Variants in GALC observed in about 807,000 individuals in gnomAD.
GALC encodes galactosylceramidase.
A neutral mutation model predicts 91.8 loss-of-function variants in GALC; 77 were observed. The observed-to-expected ratio is 0.84, with a 90% CI of 0.70 to 1.01. GALC has a LOEUF of 1.01. GALC is among the 50% of genes least tolerant of loss of function. The probability of loss-of-function intolerance (pLI) is 0.00; values close to 1 mark genes in which losing one functional copy is unlikely to be tolerated. For missense variants in GALC, 882 were observed against 855.9 expected (o/e 1.03, Z -0.38); for synonymous variants, 357 against 306.7 (o/e 1.16, Z -1.71).
At chr14:87,937,222 T>C (rs1884612382) in intron 16 of GALC, among the ~76,000 whole-genome samples, 1 of 151,918 alleles carries the variant, frequency 6.6e-6, no homozygotes, top group Non-Finnish European at 1.5e-5. Context: ...AAATACTGTT[T>C]AATGCACTGG....
chr14:87,982,805 A>G (rs1384683820), intron 5 of GALC, among the ~76,000 whole-genome samples: 2 of 152,194 alleles, frequency 1.3e-5, no homozygotes, highest in Admixed American at 6.5e-5. Context: ...AAGAACTTCC[A>G]TAACTCCACA....
intron 12 of GALC, among the ~76,000 whole-genome samples, chr14:87,948,944 A>G (rs966073584): frequency 6.6e-6 from 1 of 152,024 alleles, no homozygotes; most frequent in Non-Finnish European, 1.5e-5. Context: ...GTTCTTTGAA[A>G]CCTTTCCCCA....
intron 7 of GALC, among the ~76,000 whole-genome samples, chr14:87,972,993 G>A (rs61057898): frequency 0.024 from 3,639 of 148,756 alleles, 151 homozygotes; most frequent in African/African-American, 0.085. Flanking sequence ...CTTTAAAGAT[G>A]AATAAAAATA....
chr14:87,955,508 T>C (rs1340186473), intron 10 of GALC, among the ~76,000 whole-genome samples: 3 of 152,072 alleles, frequency 2.0e-5, no homozygotes, highest in East Asian at 1.9e-4. Context: ...GTTCCAGGCA[T>C]TGTACTAAGT....
At chr14:87,957,546 C>T (rs2139979511) in intron 10 of GALC, among the ~76,000 whole-genome samples, 1 of 152,178 alleles carries the variant, frequency 6.6e-6, no homozygotes, top group African/African-American at 2.4e-5. Context: ...TTTTTGAATG[C>T]TTTGTCAAAG....
intron 10 of GALC, 73 bp downstream of exon 10, chr14:87,963,311 G>T: frequency 6.9e-7 from 1 of 1,450,190 alleles, no homozygotes. Context: ...TAAAACAAAA[G>T]TATTCAGTTT....
intron 14 of GALC, among the ~76,000 whole-genome samples, chr14:87,944,777 T>G (rs917072402): frequency 6.6e-5 from 10 of 152,140 alleles, no homozygotes; most frequent in African/African-American, 2.4e-4. Flanking sequence ...TTCAAGGCTC[T>G]TTTCAGAATT....
intron 10 of GALC, chr14:87,954,956 A>G (rs1885462229): frequency 2.7e-6 from 4 of 1,483,580 alleles, no homozygotes; most frequent in Non-Finnish European, 3.8e-6. Context: ...AAGCTGATAG[A>G]GAAGATTCTT....
intron 10 of GALC, among the ~76,000 whole-genome samples, chr14:87,957,535 AT>A (rs1188145245): frequency 3.3e-5 from 5 of 152,072 alleles, no homozygotes; most frequent in African/African-American, 9.7e-5. Context: ...CCAAATTTAT[AT>A]TTTTGAATGC....
chr14:87,941,415 T>G lies in GALC; in HGVS notation c.1814A>C (p.Tyr605Ser), dbSNP rs1337335506. ...IFFWIFANGS[Y>S]RVTGDLAGWI... ...GTTACCTAAATCACCTGTAACCCTG[T>G]AAGATCCATTTGCAAAAATCCAGAA... The change falls in exon 15 of 17, where the codon TAC (tyrosine) becomes TCC (serine). Residue 605 changes from tyrosine (Y) to serine (S), a missense_variant. Physicochemically the swap from Tyr to Ser is moderately radical, Grantham distance 144. Transcript: ENST00000261304. The G allele has an allele frequency of 1.2e-6, 2 of 1,606,664 alleles. No homozygotes were observed. Among genetic ancestry groups the G allele is most frequent in the South Asian group, 1.1e-5 (1 of 90,820 alleles).
chr14:87,966,955 C>T (rs1311398431), intron 8 of GALC, among the ~76,000 whole-genome samples: 1 of 152,110 alleles, frequency 6.6e-6, no homozygotes, highest in African/African-American at 2.4e-5. Context: ...ATCAGAATCA[C>T]TTGAGGGCAC....
chr14:87,975,530 C>G (rs74617600), intron 7 of GALC, among the ~76,000 whole-genome samples: 17,195 of 152,020 alleles, frequency 0.11, 1,144 homozygotes, highest in Non-Finnish European at 0.16. Flanking sequence ...TCTGGGATTT[C>G]TTTCAAAGTA....
At chr14:87,964,753 G>C (rs540144843) in intron 9 of GALC, among the ~76,000 whole-genome samples, 33 of 152,174 alleles carry the variant, frequency 2.2e-4, no homozygotes, top group Admixed American at 1.6e-3. Context: ...CCTGTTGTGG[G>C]AAACCCAATT....
chr14:87,953,055 C>T, intron 10 of GALC: 1 of 1,390,984 alleles, frequency 7.2e-7, no homozygotes, highest in Non-Finnish European at 1.0e-6. Flanking sequence ...TAATATAGGG[C>T]CTGAAGTGGT....
At chr14:87,986,332 G>A (rs1273481577) in intron 4 of GALC, among the ~76,000 whole-genome samples, 157 bp downstream of exon 4, 11 of 152,128 alleles carry the variant, frequency 7.2e-5, no homozygotes, top group African/African-American at 2.7e-4. Flanking sequence ...GCAAAGAAAG[G>A]ATCACCCCTG....
At chr14:87,960,312 G>A (rs373094520) in intron 10 of GALC, among the ~76,000 whole-genome samples, 7 of 152,284 alleles carry the variant, frequency 4.6e-5, no homozygotes, top group Admixed American at 2.0e-4. Context: ...AGTAACTATT[G>A]GACAGGAGGT....
chr14:87,947,837 T>C lies in GALC; in HGVS notation c.1380A>G (p.Glu460=), dbSNP rs1370652050. 1.2e-6 allele frequency: 2 copies of C among 1,612,600 alleles called. No homozygotes were observed. The highest frequency in any genetic ancestry group is 2.7e-5 in the African/African-American group (2 of 74,798). ...GAGTGGTGAGTGTGAACAGCTCATC[T>C]TCATGCAGGCTCAGTGTGAAACTGC... The part of the protein sequence containing the change: ...SDGSFTLSLH[E]DELFTLTTLT... Residue 460 remains glutamate (E), a synonymous_variant, in exon 13 of 17, where the codon GAA becomes GAG. Coordinates refer to ENST00000261304, the MANE Select transcript of GALC (RefSeq NM_000153.4).
chr14:87,993,601 C>T (rs2139771335), upstream of GALC: 9 of 829,528 alleles, frequency 1.1e-5, no homozygotes, highest in South Asian at 9.5e-5. Flanking sequence ...CCTGAGTTTT[C>T]CCTTATGTGA....
At chr14:87,945,764 G>A (rs753449167) in intron 13 of GALC, 31 bp from the exon 14 acceptor site, 1 of 1,531,392 alleles carries the variant, frequency 6.5e-7, no homozygotes, top group African/African-American at 1.4e-5. Flanking sequence ...TCTCTGTTTA[G>A]TATCAAATCC....
Sources: allele counts gnomAD v4.1 joint callset (sites outside exome capture counted in the v4.1 genomes callset), GRCh38; gene constraint gnomAD v4.1.1; transcripts MANE v1.5; gene names NCBI Gene and HGNC (gene_info 2026-07-23, HGNC 2026-07-21).